TEX15: variants seen among roughly 807,000 people sequenced by gnomAD.
The protein encoded by TEX15 is testis-expressed protein 15.
Under a neutral mutation model 237.3 loss-of-function variants are expected in TEX15, and 171 were observed. The ratio of observed to expected loss-of-function variants is 0.72; its 90% CI spans 0.64 to 0.82. The LOEUF is 0.82. Ranked by LOEUF, TEX15 falls within the 40% of genes least tolerant of loss-of-function variation. TEX15 has a pLI of 0.00. For missense variants in TEX15, 3,750 were observed against 3,646.5 expected (o/e 1.03, Z -0.73); for synonymous variants, 1,338 against 1,269.8 (o/e 1.05, Z -1.14).
chr8:30,862,316 G>A (rs1808067929), intron 5 of TEX15, among the ~76,000 whole-genome samples: 1 of 152,022 alleles, frequency 6.6e-6, no homozygotes, highest in African/African-American at 2.4e-5. Context: ...AATATGGCAG[G>A]TCTACAGTGT....
chr8:30,906,630 A>G (rs1241786592), intron 1 of TEX15, among the ~76,000 whole-genome samples: 2 of 151,956 alleles, frequency 1.3e-5, no homozygotes. Context: ...GAACAAGCAT[A>G]TATTAAAGTG....
In TEX15 at chr8:30,847,127, CAGA is replaced by C; in HGVS notation, c.3037_3039del (p.Ser1013del). 1.2e-6 allele frequency: 2 copies of C among 1,613,692 alleles called. No homozygotes were observed. The highest frequency in any genetic ancestry group is 1.3e-5 in the African/African-American group (1 of 75,042). ...ACTAACAAACCAAAATCTGGACTTT[CAGA>C]AGAACAAGTTTCTTTAAACTGGTAT... On this transcript the variant is annotated inframe_deletion, in exon 8 of 11. Transcript: ENST00000643185.
In TEX15 at chr8:30,844,367, A is replaced by C. The variant is rs772388268; in HGVS notation, c.5800T>G (p.Ser1934Ala). Residue 1934 changes from serine to alanine, a missense_variant, in exon 8 of 11, where the codon TCG becomes GCG. Physicochemically the swap from Ser to Ala is moderately conservative, Grantham distance 99. Coordinates refer to ENST00000643185, the MANE Select transcript of TEX15 (RefSeq NM_001350162.2). ...KKGEIKVSKD[S>A]QSDLTLHSEI... ...GAATGTAATGTCAAGTCAGACTGCG[A>C]GTCTTTACTAACTTTAATTTCCCCC... 1.9e-6 allele frequency: 3 copies of C among 1,610,552 alleles called. No individual in the cohort carries two copies. Among genetic ancestry groups the C allele is most frequent in the Non-Finnish European group, 2.5e-6 (3 of 1,178,726 alleles).
At chr8:30,909,792 T>C (rs1029290690) in intron 1 of TEX15, among the ~76,000 whole-genome samples, 1 of 152,140 alleles carries the variant, frequency 6.6e-6, no homozygotes, top group Non-Finnish European at 1.5e-5. Flanking sequence ...TAGTTCCTCT[T>C]TGATAAAGAT....
intron 7 of TEX15, among the ~76,000 whole-genome samples, chr8:30,857,003 A>G (rs962991128): frequency 2.6e-5 from 4 of 152,248 alleles, no homozygotes; most frequent in Admixed American, 6.5e-5. Flanking sequence ...TTATATAGGT[A>G]TTAGTATTTT....
intron 7 of TEX15, among the ~76,000 whole-genome samples, chr8:30,850,458 C>T (rs1313390998): frequency 4.6e-5 from 7 of 152,084 alleles, no homozygotes; most frequent in East Asian, 3.8e-4. Flanking sequence ...ATCTATAAAA[C>T]ATATGAAGTT....
chr8:30,877,950 T>C (rs1808434305), intron 3 of TEX15, among the ~76,000 whole-genome samples: 1 of 152,156 alleles, frequency 6.6e-6, no homozygotes, highest in Admixed American at 6.5e-5. Context: ...TTATATATTT[T>C]TTCATACTGA....
rs773152051 is a variant in TEX15 at position 30,845,850 on chromosome 8, TTTTC to T, written c.4313_4316del (p.Arg1438AsnfsTer31). The stretch of plus-strand genomic sequence containing the variant: ...ACGAAAAATGCTTAGTAGAATAATA[TTTTC>T]TTTGAGACACAGAACTATAACCTTG... On this transcript the variant is annotated frameshift_variant, in exon 8 of 11. Coordinates refer to ENST00000643185, the MANE Select transcript of TEX15 (RefSeq NM_001350162.2). LOFTEE classifies it high-confidence loss of function. The T allele has an allele frequency of 1.2e-5, 19 of 1,610,660 alleles. No homozygotes were observed. Among genetic ancestry groups the T allele is most frequent in the African/African-American group, 4.0e-5 (3 of 74,766 alleles).
chr8:30,902,725 A>G (rs1809031001), intron 1 of TEX15, among the ~76,000 whole-genome samples: 1 of 152,208 alleles, frequency 6.6e-6, no homozygotes, highest in Non-Finnish European at 1.5e-5. Context: ...TAAAATACAG[A>G]TTACTGGGTC....
At chr8:30,838,241 A>G (rs2128766361) in intron 9 of TEX15, among the ~76,000 whole-genome samples, 180 bp from the exon 10 acceptor site, 1 of 152,300 alleles carries the variant, frequency 6.6e-6, no homozygotes, top group South Asian at 2.1e-4. Flanking sequence ...GTTTGGATTT[A>G]GATACTTTTC....
At position 30,868,062 on chromosome 8, in the gene TEX15, C is replaced by T. The variant is rs16877432; in HGVS notation, c.303-560G>A. On this transcript the variant is annotated intron_variant, in intron 4 of 10. Coordinates refer to ENST00000643185, the MANE Select transcript of TEX15 (RefSeq NM_001350162.2). Reference sequence around the variant, plus strand: ...CTCTACACATCTATAGACACAAAAGCGCACACACATGCACAAATATATCAA... The same window carrying T: ...CTCTACACATCTATAGACACAAAAGTGCACACACATGCACAAATATATCAA... 6.1e-3 allele frequency among the ~76,000 whole-genome samples: 935 copies of T among 152,042 alleles called. 11 individuals are homozygous for T. The highest frequency in any genetic ancestry group is 0.021 in the African/African-American group (884 of 41,506).
In TEX15 at chr8:30,831,906, T is replaced by C. The variant is rs974753963; in HGVS notation, c.*1380A>G. ...TTTCAAAGTTGTTCAGGAGTTCTGA[T>C]TTTGACAGACTATTTTCAAATAAAA... On this transcript the variant is annotated 3_prime_UTR_variant, in exon 11 of 11. Coordinates refer to ENST00000643185, the MANE Select transcript of TEX15 (RefSeq NM_001350162.2). 2 of 152,226 alleles carry C rather than the reference T, an allele frequency of 1.3e-5. No individual in the cohort carries two copies. Among genetic ancestry groups the C allele is most frequent in the Non-Finnish European group, 2.9e-5 (2 of 68,030 alleles). 9.4% of individuals were successfully genotyped at this position (152,226 alleles called of 1,614,324 possible). A position where few individuals can be genotyped will look rare whatever the true frequency, so the allele number is the denominator to read the frequency against.
At chr8:30,841,049 T>C (rs1412069767) in intron 8 of TEX15, among the ~76,000 whole-genome samples, 2 of 152,116 alleles carry the variant, frequency 1.3e-5, no homozygotes, top group Admixed American at 6.5e-5. Flanking sequence ...TTCCAAGTAG[T>C]TGGAACTACA....
Position 30,847,764 on chromosome 8 carries a change from T to C in TEX15, c.2403A>G (p.Arg801=). ...TTTTCCTATGGACACATATATGTTCTCTAGTTATGCTGCAATTTGAACTGT... is the reference window on the plus strand; with the variant it reads ...TTTTCCTATGGACACATATATGTTCCCTAGTTATGCTGCAATTTGAACTGT... ...AHDSSNCSIT[R]EHICVHRKNE... Residue 801 remains arginine (R), a synonymous_variant, in exon 8 of 11, where the codon AGA becomes AGG. Transcript: ENST00000643185. 1.2e-6 allele frequency: 2 copies of C among 1,613,742 alleles called. No individual in the cohort carries two copies. Among genetic ancestry groups the C allele is most frequent in the South Asian group, 2.2e-5 (2 of 91,070 alleles).
At chr8:30,850,714 GA>G (rs572661817) in intron 7 of TEX15, among the ~76,000 whole-genome samples, 70 of 150,144 alleles carry the variant, frequency 4.7e-4, no homozygotes, top group Non-Finnish European at 8.0e-4. Context: ...AAAAGTACTA[GA>G]AAAAAAAATG....
Position 30,848,540 on chromosome 8 carries a change from A to C in TEX15, c.1627T>G (p.Ser543Ala). 1 of 1,614,076 alleles carries C rather than the reference A, an allele frequency of 6.2e-7. No homozygotes were observed. The part of the protein sequence containing the change: ...KDQGNFSFPI[S>A]VSNVVSEVEN... ...ACCTCTGACACTACATTTGACACAG[A>C]AATTGGGAAGGAAAAATTACCTTGG... The change falls in exon 8 of 11, where the codon TCT (serine) becomes GCT (alanine). Residue 543 changes from serine (S) to alanine (A), a missense_variant. Coordinates refer to ENST00000643185, the MANE Select transcript of TEX15 (RefSeq NM_001350162.2).
At chr8:30,860,292 T>C (rs1291850141) in intron 5 of TEX15, among the ~76,000 whole-genome samples, 4 of 151,988 alleles carry the variant, frequency 2.6e-5, no homozygotes, top group Non-Finnish European at 5.9e-5. Flanking sequence ...CAGCTAATTT[T>C]TGTAGGAACC....
rs958414708 is a variant in TEX15 at position 30,847,279 on chromosome 8, T to C, written c.2888A>G (p.His963Arg). The part of the protein sequence containing the change: ...DTENTGRSVE[H>R]LASTTFPKTA... ...TTTGGGAAATGTCGTGGAAGCCAAA[T>C]GCTCTACACTTCTTCCAGTATTTTC... The change falls in exon 8 of 11, where the codon CAT (histidine) becomes CGT (arginine). Residue 963 changes from histidine to arginine, a missense_variant. Transcript: ENST00000643185. The C allele has an allele frequency of 1.2e-6, 2 of 1,613,852 alleles. No homozygotes were observed. Among genetic ancestry groups the C allele is most frequent in the Non-Finnish European group, 1.7e-6 (2 of 1,179,836 alleles).
chr8:30,876,426 G>A (rs1249157639), intron 3 of TEX15, among the ~76,000 whole-genome samples: 1 of 152,064 alleles, frequency 6.6e-6, no homozygotes, highest in Non-Finnish European at 1.5e-5. Context: ...CCGGCTTTTA[G>A]CTTCACAACA....
Sources: gnomAD v4.1 joint callset for allele counts (sites outside exome capture counted in the v4.1 genomes callset) on GRCh38, gnomAD v4.1.1 for gene constraint, MANE v1.5 for transcripts, NCBI Gene and HGNC (gene_info 2026-07-23, HGNC 2026-07-21) for gene names.